The following MAGI1 variants were observed in gnomAD, a reference collection of about 807,000 sequenced individuals.
The protein encoded by MAGI1 is membrane associated guanylate kinase, WW and PDZ domain containing 1.
MAGI1 carries 58 observed loss-of-function variants against 139.9 expected under a neutral mutation model. The ratio of observed to expected loss-of-function variants is 0.41; its 90% CI spans 0.34 to 0.52. The LOEUF (loss-of-function observed/expected upper bound fraction) is 0.52. Ranked by LOEUF, MAGI1 falls within the 20% of genes least tolerant of loss-of-function variation. MAGI1 has a pLI of 0.12. For missense variants in MAGI1, 1,874 were observed against 1,901.6 expected (o/e 0.99, Z 0.27); for synonymous variants, 812 against 737.9 (o/e 1.10, Z -1.63).
intron 1 of MAGI1, among the ~76,000 whole-genome samples, chr3:65,936,712 C>A (rs2063070846): frequency 6.6e-6 from 1 of 151,940 alleles, no homozygotes; most frequent in Admixed American, 6.6e-5. Context: ...CCTTCAAAGT[C>A]TCGTGCGGGG....
At chr3:65,735,356 C>T (rs1002000444) in intron 1 of MAGI1, among the ~76,000 whole-genome samples, 7 of 148,078 alleles carry the variant, frequency 4.7e-5, no homozygotes, top group Non-Finnish European at 8.9e-5. Context: ...TGTGTCTGCA[C>T]GTGTGTGTGT....
At chr3:65,440,037 C>G (rs762459273) in intron 8 of MAGI1, 25 bp from the exon 9 acceptor site, 3 of 1,612,862 alleles carry the variant, frequency 1.9e-6, no homozygotes, top group Non-Finnish European at 2.5e-6. Flanking sequence ...AAATAGTATT[C>G]AGCTTGAAAC....
intron 12 of MAGI1, among the ~76,000 whole-genome samples, chr3:65,414,790 T>C (rs944635493): frequency 1.3e-5 from 2 of 151,308 alleles, no homozygotes; most frequent in Non-Finnish European, 2.9e-5. Context: ...TCCCAGTACC[T>C]TGGGAGGCCG....
chr3:65,401,553 A>C, intron 12 of MAGI1, 83 bp from the exon 13 acceptor site: 1 of 1,566,558 alleles, frequency 6.4e-7, no homozygotes, highest in South Asian at 1.2e-5. Context: ...AACAATCCCC[A>C]GGTGTTCCAT....
intron 22 of MAGI1, chr3:65,360,142 C>T: frequency 1.0e-6 from 1 of 985,322 alleles, no homozygotes; most frequent in Non-Finnish European, 1.2e-6. Context: ...TATCCTTCTC[C>T]TTGAGCTGCA....
At chr3:65,752,156 C>T (rs55915653) in intron 1 of MAGI1, among the ~76,000 whole-genome samples, 46,115 of 152,032 alleles carry the variant, frequency 0.3, 7,458 homozygotes, top group East Asian at 0.47. Context: ...ACCATGTTGT[C>T]CAGGCTGGTT....
At chr3:65,734,032 T>C (rs774590054) in intron 1 of MAGI1, among the ~76,000 whole-genome samples, 2 of 152,228 alleles carry the variant, frequency 1.3e-5, no homozygotes, top group Non-Finnish European at 2.9e-5. Context: ...ATAATGTCCC[T>C]TTCTGAGGTC....
intron 1 of MAGI1, among the ~76,000 whole-genome samples, chr3:65,988,403 G>A (rs935191414): frequency 6.6e-6 from 1 of 152,188 alleles, no homozygotes; most frequent in Non-Finnish European, 1.5e-5. Context: ...CAGATTGGGA[G>A]GGTGGAGGTC....
At chr3:65,860,162 T>C (rs2059507369) in intron 1 of MAGI1, among the ~76,000 whole-genome samples, 1 of 151,752 alleles carries the variant, frequency 6.6e-6, no homozygotes, top group African/African-American at 2.4e-5. Context: ...TCCCAAAGTG[T>C]TGGGATTACA....
chr3:65,556,521 T>C (rs1463674440), intron 2 of MAGI1, among the ~76,000 whole-genome samples: 1 of 152,208 alleles, frequency 6.6e-6, no homozygotes, highest in Non-Finnish European at 1.5e-5. Context: ...ATCCATCTCA[T>C]TATAAAAGCT....
intron 1 of MAGI1, among the ~76,000 whole-genome samples, chr3:65,877,449 T>C (rs1187754343): frequency 1.3e-5 from 2 of 152,162 alleles, no homozygotes; most frequent in East Asian, 3.9e-4. Flanking sequence ...GATATTTTAA[T>C]GTGTTTTTCT....
intron 1 of MAGI1, among the ~76,000 whole-genome samples, chr3:65,800,514 ACCCAGCAAACAGG>A (rs2040449701): frequency 6.6e-6 from 1 of 152,076 alleles, no homozygotes; most frequent in African/African-American, 2.4e-5. Flanking sequence ...AGTCTTTATA[ACCCAGCAAACAGG>A]CCCAGTGAAC....
intron 1 of MAGI1, among the ~76,000 whole-genome samples, chr3:66,002,994 T>C (rs1220681814): frequency 1.3e-5 from 2 of 152,120 alleles, no homozygotes; most frequent in Non-Finnish European, 2.9e-5. Flanking sequence ...AACCACTACA[T>C]ACACACACAT....
At chr3:65,510,857 T>A (rs1320810134) in intron 2 of MAGI1, among the ~76,000 whole-genome samples, 1 of 148,186 alleles carries the variant, frequency 6.7e-6, no homozygotes, top group Non-Finnish European at 1.5e-5. Context: ...AATTGTCAGA[T>A]TCACCAAAGT....
At chr3:65,409,597 A>G (rs535832688) in intron 12 of MAGI1, among the ~76,000 whole-genome samples, 1 of 152,110 alleles carries the variant, frequency 6.6e-6, no homozygotes, top group African/African-American at 2.4e-5. Context: ...ATCCATAAAA[A>G]GGAATGAAAA....
intron 1 of MAGI1, among the ~76,000 whole-genome samples, chr3:65,689,017 G>A (rs1030677520): frequency 6.6e-6 from 1 of 152,048 alleles, no homozygotes; most frequent in African/African-American, 2.4e-5. Context: ...TATGATTTTT[G>A]TGCCCCAAAT....
At chr3:65,537,766 G>A (rs2079028043) in intron 2 of MAGI1, among the ~76,000 whole-genome samples, 1 of 152,112 alleles carries the variant, frequency 6.6e-6, no homozygotes, top group Admixed American at 6.6e-5. Context: ...AGGATCTCAT[G>A]CTGTTCCCCA....
At chr3:65,901,937 T>C (rs1488093777) in intron 1 of MAGI1, among the ~76,000 whole-genome samples, 1 of 152,192 alleles carries the variant, frequency 6.6e-6, no homozygotes, top group Non-Finnish European at 1.5e-5. Flanking sequence ...TTTTAATACA[T>C]CATTTTCACT....
chr3:65,560,145 A>G (rs1221063464), intron 2 of MAGI1, among the ~76,000 whole-genome samples: 1 of 152,248 alleles, frequency 6.6e-6, no homozygotes, highest in African/African-American at 2.4e-5. Context: ...CCACTGTGAA[A>G]TTAATAATAC....
Sources: allele counts gnomAD v4.1 joint callset (sites outside exome capture counted in the v4.1 genomes callset), GRCh38; gene constraint gnomAD v4.1.1; transcripts MANE v1.5; gene names NCBI Gene and HGNC (gene_info 2026-07-23, HGNC 2026-07-21).